RSL24D1: variants seen among roughly 807,000 people sequenced by gnomAD.
RSL24D1 encodes ribosomal L24 domain containing 1, also known as probable ribosome biogenesis protein RLP24.
Under a neutral mutation model 26.2 loss-of-function variants are expected in RSL24D1, and 6 were observed. That is an observed-to-expected ratio of 0.23 (90% CI 0.13 to 0.45). RSL24D1 has a LOEUF of 0.45. Ranked by LOEUF, RSL24D1 falls within the 20% of genes least tolerant of loss-of-function variation. The pLI is 0.99. For missense variants in RSL24D1, 176 were observed against 202.6 expected (o/e 0.87, Z 0.80); for synonymous variants, 61 against 59.1 (o/e 1.03, Z -0.15).
chr15:55,193,205 A>T (rs1412607967), intron 1 of RSL24D1, among the ~76,000 whole-genome samples: 5 of 152,206 alleles, frequency 3.3e-5, no homozygotes, highest in Non-Finnish European at 1.5e-5. Flanking sequence ...AACCATTCTG[A>T]AATCTCCTTT....
intron 1 of RSL24D1, 115 bp downstream of exon 1, chr15:55,196,695 C>T (rs935400476): frequency 3.1e-6 from 3 of 967,578 alleles, no homozygotes; most frequent in South Asian, 1.4e-5. Flanking sequence ...CCCAGGGGAA[C>T]AACGGGAGGA....
intron 3 of RSL24D1, among the ~76,000 whole-genome samples, chr15:55,186,975 T>A (rs901498011): frequency 2.0e-5 from 3 of 152,162 alleles, no homozygotes; most frequent in African/African-American, 7.2e-5. Flanking sequence ...ATGAAGGATA[T>A]CAGAGAACTC....
intron 3 of RSL24D1, among the ~76,000 whole-genome samples, chr15:55,189,456 T>C (rs1328466592): frequency 1.3e-5 from 2 of 152,134 alleles, no homozygotes; most frequent in African/African-American, 4.8e-5. Flanking sequence ...GTACAATAAT[T>C]AGGGCTAAGT....
At chr15:55,188,234 C>G (rs938439340) in intron 3 of RSL24D1, among the ~76,000 whole-genome samples, 1 of 152,160 alleles carries the variant, frequency 6.6e-6, no homozygotes, top group Non-Finnish European at 1.5e-5. Flanking sequence ...TTCTGGAACA[C>G]TACTGAAAAC....
At chr15:55,188,577 C>T (rs982149247) in intron 3 of RSL24D1, among the ~76,000 whole-genome samples, 3 of 152,136 alleles carry the variant, frequency 2.0e-5, no homozygotes, top group Non-Finnish European at 4.4e-5. Flanking sequence ...ATGCCACAGG[C>T]AGTGCTTAAT....
At chr15:55,185,594 G>A (rs1423297999) in intron 3 of RSL24D1, among the ~76,000 whole-genome samples, 169 bp from the exon 4 acceptor site, 1 of 152,024 alleles carries the variant, frequency 6.6e-6, no homozygotes, top group Non-Finnish European at 1.5e-5. Flanking sequence ...GTATACTCCT[G>A]GCCATCATGA....
rs1364259351 is a variant in RSL24D1 at position 55,190,834 on chromosome 15, T to C, written c.268+141A>G. ...GAAAGATCTGACTACAACAGAACCA[T>C]TAAAATGAGGATAAAATAATAAAAG... is the stretch of plus-strand genomic sequence containing the variant. On this transcript the variant is annotated intron_variant, in intron 3 of 5. Coordinates refer to ENST00000260443, the MANE Select transcript of RSL24D1 (RefSeq NM_016304.3). 4.7e-6 allele frequency: 3 copies of C among 642,600 alleles called. No individual in the cohort carries two copies. In the South Asian group the frequency reaches 5.6e-5, roughly 12 times the overall value. The allele number at this position is 642,600 out of a possible 1,614,324, so 39.8% of individuals were successfully genotyped here. A position where few individuals can be genotyped will look rare whatever the true frequency, so the allele number is the denominator to read the frequency against.
chr15:55,185,164 G>C (rs1220271938), intron 4 of RSL24D1, among the ~76,000 whole-genome samples, 198 bp downstream of exon 4: 1 of 152,258 alleles, frequency 6.6e-6, no homozygotes, highest in Non-Finnish European at 1.5e-5. Context: ...AAAGCATTAT[G>C]TCTTCAATAC....
intron 3 of RSL24D1, among the ~76,000 whole-genome samples, chr15:55,188,356 T>G (rs900451689): frequency 1.3e-5 from 2 of 152,248 alleles, no homozygotes; most frequent in African/African-American, 4.8e-5. Flanking sequence ...CAGAAAAATC[T>G]ATTTTTAGGA....
chr15:55,183,517 G>A (rs1894192316), intron 4 of RSL24D1, 117 bp from the exon 5 acceptor site: 2 of 684,450 alleles, frequency 2.9e-6, no homozygotes, highest in Non-Finnish European at 5.1e-6. Context: ...GATGGGGAAT[G>A]GAAACATGAT....
At chr15:55,185,493 C>G in intron 3 of RSL24D1, 68 bp from the exon 4 acceptor site, 1 of 1,030,060 alleles carries the variant, frequency 9.7e-7, no homozygotes, top group Non-Finnish European at 1.5e-6. Flanking sequence ...ACTGCATTAA[C>G]AAACACTTCT....
rs1312479906 is a variant in RSL24D1 at position 55,182,180 on chromosome 15, T to C, written c.464A>G (p.Glu155Gly). 2 of 1,608,992 alleles carry C rather than the reference T, an allele frequency of 1.2e-6. No individual in the cohort carries two copies. The highest frequency in any genetic ancestry group is 1.7e-6 in the Non-Finnish European group (2 of 1,175,906). Reference sequence around the variant, plus strand: ...AGGAGCATCTTCCATGTCCACATCCTCTTGTAACTGCTGTACCATTTTCTC... The same window carrying C: ...AGGAGCATCTTCCATGTCCACATCCCCTTGTAACTGCTGTACCATTTTCTC... ...LEEKMVQQLQEDVDMEDAP is the reference protein window; with the variant it reads ...LEEKMVQQLQGDVDMEDAP The change falls in exon 6 of 6, where the codon GAG becomes GGG. Residue 155 changes from glutamate to glycine, a missense_variant. Physicochemically the swap from Glu to Gly is moderately conservative, Grantham distance 98 (BLOSUM62 -2). Coordinates refer to ENST00000260443, the MANE Select transcript of RSL24D1 (RefSeq NM_016304.3).
At chr15:55,193,891 A>C (rs1317824454) in intron 1 of RSL24D1, among the ~76,000 whole-genome samples, 1 of 152,218 alleles carries the variant, frequency 6.6e-6, no homozygotes, top group African/African-American at 2.4e-5. Flanking sequence ...AGTCTCCTGG[A>C]GTAGCCTACT....
chr15:55,193,616 T>C (rs1894323434), intron 1 of RSL24D1, among the ~76,000 whole-genome samples: 2 of 152,198 alleles, frequency 1.3e-5, no homozygotes, highest in Admixed American at 1.3e-4. Flanking sequence ...TAGGTCAAAG[T>C]AAACAGTACA....
At chr15:55,195,685 T>C (rs1315625031) in intron 1 of RSL24D1, 1 of 152,234 alleles carries the variant, frequency 6.6e-6, no homozygotes, top group Non-Finnish European at 1.5e-5. Context: ...TTTGGTTCAT[T>C]TTTATAAACT....
At chr15:55,188,153 TATAGACCAA>T (rs1397446656) in intron 3 of RSL24D1, among the ~76,000 whole-genome samples, 1 of 152,214 alleles carries the variant, frequency 6.6e-6, no homozygotes, top group Non-Finnish European at 1.5e-5. Flanking sequence ...TAGATTAGTT[TATAGACCAA>T]ATGATACTGA....
intron 2 of RSL24D1, 57 bp from the exon 3 acceptor site, chr15:55,191,104 C>A (rs1421251306): frequency 4.0e-6 from 5 of 1,242,922 alleles, no homozygotes; most frequent in Non-Finnish European, 5.7e-6. Context: ...AGAAAGGAAA[C>A]ATTTCTTAAA....
chr15:55,189,003 G>A lies in RSL24D1; in HGVS notation c.268+1972C>T, dbSNP rs575574112. Among the ~76,000 whole-genome samples the A allele has an allele frequency of 4.6e-5, 7 of 152,146 alleles. No homozygotes were observed. The East Asian group carries it at 1.4e-3, about 29-fold the overall frequency. On this transcript the variant is annotated intron_variant, in intron 3 of 5. Transcript: ENST00000260443. ...GCTCAGAAGTTCACCACCAGCCTGG[G>A]CAACATGGTGAAACCCCGTCTCTAC...
Position 55,190,249 on chromosome 15 carries a change from C to CAAAAA in RSL24D1, c.268+721_268+725dup, listed in dbSNP as rs57254193. Among the ~76,000 whole-genome samples, 304 of 34,364 alleles carry CAAAAA rather than the reference C, an allele frequency of 8.8e-3. 9 individuals are homozygous for CAAAAA. Among genetic ancestry groups the CAAAAA allele is most frequent in the African/African-American group, 0.017 (149 of 8,848 alleles). The allele number at this position is 34,364 out of a possible 152,430, so 22.5% of individuals were successfully genotyped here. A position where few individuals can be genotyped will look rare whatever the true frequency, so the allele number is the denominator to read the frequency against. ...TGGGACAGAGCAAGACTTTCCAACT[C>CAAAAA]AAAAAAAAAAAAAAAAAAAAAAAAG... On this transcript the variant is annotated intron_variant, in intron 3 of 5. Transcript: ENST00000260443.
Sources: allele counts gnomAD v4.1 joint callset (sites outside exome capture counted in the v4.1 genomes callset), GRCh38; gene constraint gnomAD v4.1.1; transcripts MANE v1.5; gene names NCBI Gene and HGNC (gene_info 2026-07-23, HGNC 2026-07-21).